CTSF: variants seen among roughly 807,000 people sequenced by gnomAD.
CTSF encodes the protein cathepsin F.
In CTSF, 65 loss-of-function variants were observed where a neutral mutation model predicts 63.5. That is an observed-to-expected ratio of 1.02 (90% confidence interval 0.84 to 1.26). CTSF has a LOEUF of 1.26. CTSF is among the 50% of genes most tolerant of loss of function. The pLI is 0.00. For missense variants in CTSF, 641 were observed against 631.0 expected (o/e 1.02, Z -0.17); for synonymous variants, 256 against 258.1 (o/e 0.99, Z 0.08).
At chr11:66,567,143 G>T in intron 4 of CTSF, 103 bp downstream of exon 4, 1 of 1,219,816 alleles carries the variant, frequency 8.2e-7, no homozygotes, top group Non-Finnish European at 1.2e-6. Flanking sequence ...TCCTTGAACA[G>T]GTACACTGCC....
At chr11:66,568,194 C>T in intron 1 of CTSF, 80 bp downstream of exon 1, 3 of 1,528,940 alleles carry the variant, frequency 2.0e-6, no homozygotes, top group Non-Finnish European at 2.6e-6. Flanking sequence ...GTCCAGCGGG[C>T]AGGCCCCATC....
In CTSF at chr11:66,563,701, C is replaced by T; in HGVS notation, c.*232G>A. On this transcript the variant is annotated 3_prime_UTR_variant, in exon 13 of 13. Coordinates refer to ENST00000310325, the MANE Select transcript of CTSF (RefSeq NM_003793.4). ...GCCAAGATACCACCCTTCACCCCGA[C>T]ATCCTCCTAAGCTACCACAATTCAA... 1.7e-6 allele frequency: 1 copy of T among 604,908 alleles called. No homozygotes were observed. 37.5% of individuals were successfully genotyped at this position (604,908 alleles called of 1,614,324 possible).
At position 66,568,171 on chromosome 11, in the gene CTSF, CAG is replaced by C. The variant is rs1294285562; in HGVS notation, c.214-91_214-90del. 1.7e-5 allele frequency: 27 copies of C among 1,550,120 alleles called. No homozygotes were observed. The East Asian group carries it at 6.4e-4, about 37-fold the overall frequency. On this transcript the variant is annotated intron_variant, in intron 1 of 12. Coordinates refer to ENST00000310325, the MANE Select transcript of CTSF (RefSeq NM_003793.4). ...TGCGGCGCTGCCCATTCCCCATCACCAGAGATCGGTTCGTCCAGCGGGCAGGC... is the reference window on the plus strand; with the variant it reads ...TGCGGCGCTGCCCATTCCCCATCACCAGATCGGTTCGTCCAGCGGGCAGGC...
At chr11:66,566,234 T>C (rs1857929444) in intron 5 of CTSF, 57 bp downstream of exon 5, 3 of 1,613,670 alleles carry the variant, frequency 1.9e-6, no homozygotes, top group Non-Finnish European at 2.5e-6. Context: ...CCAGAGGCCT[T>C]GCGAGCAAGG....
chr11:66,566,189 G>A (rs1390762840), intron 5 of CTSF, 22 bp from the exon 6 acceptor site: 2 of 1,613,966 alleles, frequency 1.2e-6, no homozygotes, highest in East Asian at 4.5e-5. Flanking sequence ...GGTGGGCAGG[G>A]CATGGGGAGG....
chr11:66,563,478 C>T lies in CTSF; in HGVS notation c.*455G>A. 2.1e-6 allele frequency: 1 copy of T among 466,726 alleles called. No individual in the cohort carries two copies. The highest frequency in any genetic ancestry group is 3.8e-6 in the Non-Finnish European group (1 of 263,860). The allele number at this position is 466,726 out of a possible 1,614,324, so 28.9% of individuals were successfully genotyped here. Reference sequence around the variant, plus strand: ...TTATACCACACTCGGGACAAGGACACCTCTTTATTGCTGTTAGAAAAGGGT... The same window carrying T: ...TTATACCACACTCGGGACAAGGACATCTCTTTATTGCTGTTAGAAAAGGGT... On this transcript the variant is annotated 3_prime_UTR_variant, in exon 13 of 13. Transcript: ENST00000310325.
At position 66,564,803 on chromosome 11, in the gene CTSF, A is replaced by T; in HGVS notation, c.1169T>A (p.Leu390Gln). The T allele has an allele frequency of 6.2e-7, 1 of 1,614,068 alleles. No individual in the cohort carries two copies. The highest frequency in any genetic ancestry group is 1.6e-4 in the Middle Eastern group (1 of 6,062). Residue 390 changes from leucine (L) to glutamine (Q), a missense_variant, in exon 10 of 13, where the codon CTG becomes CAG. Leu to Gln is a moderately radical substitution (Grantham distance 113). Transcript: ENST00000310325. ...SVELSQNEQKLAAWLAKRGPI... is the reference protein window; with the variant it reads ...SVELSQNEQKQAAWLAKRGPI... ...GCCTCTCTTGGCCAGCCAGGCTGCC[A>T]GCTCTGAGATGGGAAGGGGTGGCAT...
rs1244472407 is a variant in CTSF at position 66,568,256 on chromosome 11, C to A, written c.213+18G>T. 8 of 1,513,380 alleles carry A rather than the reference C, an allele frequency of 5.3e-6. No individual in the cohort carries two copies. The highest frequency in any genetic ancestry group is 7.0e-6 in the Non-Finnish European group (8 of 1,137,226). The allele number at this position is 1,513,380 out of a possible 1,614,324, so 93.7% of individuals were successfully genotyped here. ...CTTGGACCCGGGCCTGGCGCCCCCG[C>A]CCCCGGCGCGTCCTCACCCGGCGGA... On this transcript the variant is annotated intron_variant, in intron 1 of 12. Coordinates refer to ENST00000310325, the MANE Select transcript of CTSF (RefSeq NM_003793.4).
Position 66,568,560 on chromosome 11 carries a change from CG to C in CTSF, c.-75del. ...CACCGGGTACCGAGCCCGCGGCCAG[CG>C]GGGCCTGAGTCCTCCCTCCAGCGGG... On this transcript the variant is annotated 5_prime_UTR_variant, in exon 1 of 13. Transcript: ENST00000310325. 1.4e-6 allele frequency: 2 copies of C among 1,440,076 alleles called. No homozygotes were observed. The highest frequency in any genetic ancestry group is 3.0e-5 in the East Asian group (1 of 33,038). The allele number at this position is 1,440,076 out of a possible 1,614,324, so 89.2% of individuals were successfully genotyped here. A position where few individuals can be genotyped will look rare whatever the true frequency, so the allele number is the denominator to read the frequency against.
rs748464271 is a variant in CTSF at position 66,565,600 on chromosome 11, C to G, written c.1045+71G>C. 29 of 1,590,602 alleles carry G rather than the reference C, an allele frequency of 1.8e-5. No homozygotes were observed. The African/African-American group carries it at 2.0e-4, about 11-fold the overall frequency. ...TAACTCTCATGCTCATGTCTCCCCCCCATTATGAAGTAACTTCTTGTACAG... is the reference window on the plus strand; with the variant it reads ...TAACTCTCATGCTCATGTCTCCCCCGCATTATGAAGTAACTTCTTGTACAG... On this transcript the variant is annotated intron_variant, in intron 8 of 12. Transcript: ENST00000310325.
intron 2 of CTSF, 95 bp downstream of exon 2, chr11:66,567,889 A>G: frequency 3.4e-6 from 5 of 1,468,610 alleles, no homozygotes; most frequent in Non-Finnish European, 4.6e-6. Context: ...GGCAGCAGCT[A>G]CCTCAGATCC....
chr11:66,567,200 A>G, intron 4 of CTSF, 46 bp downstream of exon 4: 3 of 1,592,130 alleles, frequency 1.9e-6, no homozygotes, highest in Non-Finnish European at 2.6e-6. Context: ...TTGGGGGGAA[A>G]GTCCTGTTCT....
At chr11:66,567,190 T>G in intron 4 of CTSF, 56 bp downstream of exon 4, 6 of 1,562,968 alleles carry the variant, frequency 3.8e-6, no homozygotes, top group African/African-American at 1.4e-5. Flanking sequence ...AGGTGCCAAG[T>G]TGGGGGGAAA....
rs1430246881 is a variant in CTSF, at chr11:66,568,560, C to T, written c.-74G>A. ...CACCGGGTACCGAGCCCGCGGCCAG[C>T]GGGGCCTGAGTCCTCCCTCCAGCGG... On this transcript the variant is annotated 5_prime_UTR_variant, in exon 1 of 13. Transcript: ENST00000310325. The T allele has an allele frequency of 6.9e-6, 10 of 1,439,962 alleles. No homozygotes were observed. The highest frequency in any genetic ancestry group is 9.1e-6 in the Non-Finnish European group (10 of 1,101,070). The allele number at this position is 1,439,962 out of a possible 1,614,324, so 89.2% of individuals were successfully genotyped here.
At position 66,564,815 on chromosome 11, in the gene CTSF, G is replaced by T. The variant is rs1478492966; in HGVS notation, c.1166-9C>A. On this transcript the variant is annotated splice_polypyrimidine_tract_variant and intron_variant, in intron 9 of 12. Coordinates refer to ENST00000310325, the MANE Select transcript of CTSF (RefSeq NM_003793.4). Reference sequence around the variant, plus strand: ...CAGCCAGGCTGCCAGCTCTGAGATGGGAAGGGGTGGCATCAGTAGGCACCC... The same window carrying T: ...CAGCCAGGCTGCCAGCTCTGAGATGTGAAGGGGTGGCATCAGTAGGCACCC... The T allele has an allele frequency of 2.5e-6, 4 of 1,613,990 alleles. No individual in the cohort carries two copies. In the African/African-American group the frequency reaches 5.3e-5, roughly 22 times the overall value.
rs1432131793 is a variant in CTSF, at chr11:66,567,332, AGACCAGTCTTTAGGCT to A, written c.532-27_532-12del. Reference sequence around the variant, plus strand: ...CTTCACAGGCAAGTCCTGGATAGGCAGACCAGTCTTTAGGCTGACCAGAGAAACCCACTCCAGAGGG... The same window carrying A: ...CTTCACAGGCAAGTCCTGGATAGGCAGACCAGAGAAACCCACTCCAGAGGG... On this transcript the variant is annotated splice_polypyrimidine_tract_variant and intron_variant, in intron 3 of 12. Coordinates refer to ENST00000310325, the MANE Select transcript of CTSF (RefSeq NM_003793.4). The A allele has an allele frequency of 1.2e-6, 2 of 1,614,184 alleles. No homozygotes were observed. The highest frequency in any genetic ancestry group is 1.7e-6 in the Non-Finnish European group (2 of 1,180,008).
intron 2 of CTSF, 66 bp from the exon 3 acceptor site, chr11:66,567,728 A>T: frequency 1.3e-6 from 2 of 1,559,106 alleles, no homozygotes; most frequent in Admixed American, 3.8e-5. Context: ...GATCTGGCCA[A>T]GATGGAGCTG....
intron 11 of CTSF, 191 bp from the exon 12 acceptor site, chr11:66,564,337 C>T (rs1857878220): frequency 1.3e-6 from 1 of 793,120 alleles, no homozygotes. Context: ...ACGCACCCAC[C>T]CGCCTATTGC....
At position 66,567,321 on chromosome 11, in the gene CTSF, C is replaced by A; in HGVS notation, c.532G>T (p.Asp178Tyr). Reference sequence around the variant, plus strand: ...ATTGAAGCCATCTTCACAGGCAAGTCCTGGATAGGCAGACCAGTCTTTAGG... The same window carrying A: ...ATTGAAGCCATCTTCACAGGCAAGTACTGGATAGGCAGACCAGTCTTTAGG... ...SLLNEDPLSQ[D>Y]LPVKMASIFK... The change falls in exon 4 of 13, where the codon GAC becomes TAC. Residue 178 changes from aspartate to tyrosine, a missense_variant and splice_region_variant. Asp to Tyr is a radical substitution (Grantham distance 160). Transcript: ENST00000310325. 6.2e-7 allele frequency: 1 copy of A among 1,614,122 alleles called. No homozygotes were observed. The highest frequency in any genetic ancestry group is 8.5e-7 in the Non-Finnish European group (1 of 1,180,008).
Sources: gnomAD v4.1 joint callset for allele counts on GRCh38, gnomAD v4.1.1 for gene constraint, MANE v1.5 for transcripts, NCBI Gene and HGNC (gene_info 2026-07-23, HGNC 2026-07-21) for gene names.